The following PIKFYVE variants were observed in gnomAD, a reference collection of about 807,000 sequenced individuals.
The protein encoded by PIKFYVE is 1-phosphatidylinositol 3-phosphate 5-kinase.
A neutral mutation model predicts 257.9 loss-of-function variants in PIKFYVE; 122 were observed. The observed-to-expected ratio is 0.47, with a 90% CI of 0.41 to 0.55. The LOEUF (loss-of-function observed/expected upper bound fraction) is 0.55, where lower values mean the gene tolerates loss of function less well. PIKFYVE is among the 20% of genes least tolerant of loss of function. The pLI, the probability that PIKFYVE is intolerant of heterozygous loss-of-function variation, is 0.00. For synonymous variants in PIKFYVE, 892 were observed against 868.9 expected (o/e 1.03, Z -0.47); for missense variants, 2,160 against 2,536.6 (o/e 0.85, Z 3.19).
chr2:208,275,276 C>T (rs892823854), intron 3 of PIKFYVE, among the ~76,000 whole-genome samples: 2 of 152,236 alleles, frequency 1.3e-5, no homozygotes, highest in African/African-American at 4.8e-5. Context: ...CTTTCATCTT[C>T]AGCCAACATC....
chr2:208,349,283 T>G (rs1423286151), intron 35 of PIKFYVE, among the ~76,000 whole-genome samples: 1 of 152,156 alleles, frequency 6.6e-6, no homozygotes, highest in African/African-American at 2.4e-5. Flanking sequence ...TTGGAAGGCA[T>G]AGATGCTTCA....
At chr2:208,349,327 A>G (rs535833046) in intron 35 of PIKFYVE, among the ~76,000 whole-genome samples, 80 of 152,206 alleles carry the variant, frequency 5.3e-4, no homozygotes, top group Non-Finnish European at 9.0e-4. Flanking sequence ...TTAGGGGACT[A>G]TTTGTTCTTC....
chr2:208,286,891 C>A (rs1691645985), intron 6 of PIKFYVE, among the ~76,000 whole-genome samples: 1 of 152,060 alleles, frequency 6.6e-6, no homozygotes, highest in Non-Finnish European at 1.5e-5. Context: ...TACAAAGAGC[C>A]TATAGTTTTA....
intron 34 of PIKFYVE, 80 bp from the exon 35 acceptor site, chr2:208,347,779 C>A: frequency 7.8e-7 from 1 of 1,282,776 alleles, no homozygotes; most frequent in Non-Finnish European, 1.1e-6. Flanking sequence ...TTACAACTAA[C>A]AAAGAAATGA....
intron 30 of PIKFYVE, 46 bp downstream of exon 30, chr2:208,339,601 G>A (rs975354666): frequency 1.2e-6 from 2 of 1,600,832 alleles, no homozygotes; most frequent in African/African-American, 2.7e-5. Context: ...ATCTAAGACT[G>A]AAAGATATAT....
At chr2:208,337,716 C>T (rs1698290791) in intron 28 of PIKFYVE, among the ~76,000 whole-genome samples, 1 of 151,964 alleles carries the variant, frequency 6.6e-6, no homozygotes. Flanking sequence ...TTTTCAGGGA[C>T]TCTGCAAAAA....
chr2:208,321,846 G>C (rs1441890306), intron 17 of PIKFYVE, among the ~76,000 whole-genome samples: 2 of 151,890 alleles, frequency 1.3e-5, no homozygotes, highest in African/African-American at 4.8e-5. Context: ...CAAAATGCTG[G>C]GATTACAGGC....
chr2:208,346,385 G>C (rs1222257904), intron 34 of PIKFYVE, among the ~76,000 whole-genome samples: 1 of 152,006 alleles, frequency 6.6e-6, no homozygotes, highest in Non-Finnish European at 1.5e-5. Context: ...GAAGCTCTTT[G>C]GTCTATGCAA....
At chr2:208,277,280 T>C (rs1484102816) in intron 4 of PIKFYVE, among the ~76,000 whole-genome samples, 1 of 152,182 alleles carries the variant, frequency 6.6e-6, no homozygotes, top group Admixed American at 6.5e-5. Flanking sequence ...TCCATACCTT[T>C]ATTTTTTTCT....
intron 10 of PIKFYVE, among the ~76,000 whole-genome samples, chr2:208,303,946 A>G (rs1694029200): frequency 6.6e-6 from 1 of 152,244 alleles, no homozygotes. Context: ...TTTTGTTCTT[A>G]ATATACTACT....
chr2:208,277,035 G>A (rs1040514118), intron 4 of PIKFYVE, among the ~76,000 whole-genome samples: 10 of 152,028 alleles, frequency 6.6e-5, no homozygotes, highest in East Asian at 3.9e-4. Context: ...TGCTTTTCGC[G>A]TTCTGTTTAA....
chr2:208,322,386 A>AC (rs1696352094), intron 17 of PIKFYVE, among the ~76,000 whole-genome samples: 1 of 150,510 alleles, frequency 6.6e-6, no homozygotes, highest in Non-Finnish European at 1.5e-5. Flanking sequence ...AAAAAAAAAA[A>AC]AAAAAAAAAA....
intron 39 of PIKFYVE, 141 bp from the exon 40 acceptor site, chr2:208,353,757 T>A: frequency 1.0e-6 from 1 of 959,334 alleles, no homozygotes; most frequent in Non-Finnish European, 1.6e-6. Context: ...TTAAAAATTA[T>A]GATTCAATTT....
intron 39 of PIKFYVE, among the ~76,000 whole-genome samples, chr2:208,353,214 A>G (rs1057237549): frequency 2.6e-5 from 4 of 152,224 alleles, no homozygotes; most frequent in African/African-American, 9.6e-5. Context: ...CGTGTGCTAG[A>G]ATGTAATTCA....
intron 38 of PIKFYVE, among the ~76,000 whole-genome samples, chr2:208,352,413 A>C (rs1302644449): frequency 6.6e-6 from 1 of 152,114 alleles, no homozygotes; most frequent in African/African-American, 2.4e-5. Context: ...TGTCATAATG[A>C]AGTTTTTGAA....
chr2:208,283,557 G>C (rs574871319), intron 5 of PIKFYVE, among the ~76,000 whole-genome samples: 2 of 152,038 alleles, frequency 1.3e-5, no homozygotes, highest in Non-Finnish European at 2.9e-5. Context: ...AAGTCTTTCT[G>C]CAGGGAGTAA....
At chr2:208,288,964 G>T in intron 7 of PIKFYVE, 146 bp downstream of exon 7, 8 of 1,116,886 alleles carry the variant, frequency 7.2e-6, no homozygotes, top group Non-Finnish European at 9.0e-6. Context: ...TTTTCTTTTT[G>T]CTATTCAGCC....
In PIKFYVE at chr2:208,357,617, A is replaced by G. The variant is rs771275411; in HGVS notation, c.*2312A>G. 3.9e-5 allele frequency: 6 copies of G among 152,230 alleles called. No homozygotes were observed. Among genetic ancestry groups the G allele is most frequent in the African/African-American group, 7.2e-5 (3 of 41,458 alleles). 9.4% of individuals were successfully genotyped at this position (152,230 alleles called of 1,614,324 possible). ...GTAATCTCTCATTTTAAAATTGGAC[A>G]GTATTAATGAAGGGGAAATATACAA... On this transcript the variant is annotated 3_prime_UTR_variant, in exon 42 of 42. Transcript: ENST00000264380.
intron 5 of PIKFYVE, among the ~76,000 whole-genome samples, chr2:208,280,371 C>G (rs1009504485): frequency 1.1e-4 from 16 of 152,194 alleles, no homozygotes; most frequent in African/African-American, 3.6e-4. Flanking sequence ...ACTCACTAAA[C>G]TCACAGTGAG....
Sources: gnomAD v4.1 joint callset for allele counts (sites outside exome capture counted in the v4.1 genomes callset) on GRCh38, gnomAD v4.1.1 for gene constraint, MANE v1.5 for transcripts, NCBI Gene and HGNC (gene_info 2026-07-23, HGNC 2026-07-21) for gene names.